PLXNA2: variants seen among roughly 807,000 people sequenced by gnomAD.
The protein encoded by PLXNA2 is plexin A2, also known as plexin-A2.
PLXNA2 carries 91 observed loss-of-function variants against 193.5 expected under a neutral mutation model. The ratio of observed to expected loss-of-function variants is 0.47; its 90% CI spans 0.40 to 0.56. The LOEUF (loss-of-function observed/expected upper bound fraction) is 0.56, where lower values mean the gene tolerates loss of function less well. PLXNA2 is among the 20% of genes least tolerant of loss of function. The probability of loss-of-function intolerance (pLI) is 0.00; values close to 1 mark genes in which losing one functional copy is unlikely to be tolerated. For missense variants in PLXNA2, 1,995 were observed against 2,503.2 expected (o/e 0.80, Z 4.33); for synonymous variants, 997 against 1,027.3 (o/e 0.97, Z 0.56).
chr1:208,069,994 G>A (rs757271190), intron 12 of PLXNA2, among the ~76,000 whole-genome samples: 1 of 152,222 alleles, frequency 6.6e-6, no homozygotes, highest in Non-Finnish European at 1.5e-5. Flanking sequence ...TCCCAGAGAG[G>A]TTAAGTAACT....
intron 13 of PLXNA2, among the ~76,000 whole-genome samples, chr1:208,060,378 A>C (rs992131447): frequency 1.3e-5 from 2 of 152,190 alleles, no homozygotes; most frequent in Non-Finnish European, 2.9e-5. Flanking sequence ...TGACAGGGGA[A>C]GGGCTGGGGG....
At chr1:208,032,872 G>A (rs1664546320) in intron 28 of PLXNA2, among the ~76,000 whole-genome samples, 1 of 152,146 alleles carries the variant, frequency 6.6e-6, no homozygotes, top group African/African-American at 2.4e-5. Context: ...AAAGCTTAAG[G>A]GGTCCAGAGG....
chr1:208,219,928 T>C (rs1191413363), intron 1 of PLXNA2, among the ~76,000 whole-genome samples: 1 of 152,244 alleles, frequency 6.6e-6, no homozygotes, highest in Non-Finnish European at 1.5e-5. Flanking sequence ...AGGTTATTTT[T>C]AGCTATGTCC....
Position 208,217,680 on chromosome 1 carries a change from C to A in PLXNA2, c.243G>T (p.Val81=). 1 of 1,614,202 alleles carries A rather than the reference C, an allele frequency of 6.2e-7. No homozygotes were observed. Among genetic ancestry groups the A allele is most frequent in the Non-Finnish European group, 8.5e-7 (1 of 1,180,042 alleles). The change falls in exon 2 of 32, where the codon GTG becomes GTT. Residue 81 remains valine (V), a synonymous_variant. Transcript: ENST00000367033. The surrounding 1 kb of genome is among the most constrained non-coding windows in gnomAD (Gnocchi z 4.7). ...CCTCTTCTGGCCCTGTCTTATGAGC[C>A]ACCTGGATGGTCAGGTTGCCTGTCA... is the stretch of plus-strand genomic sequence containing the variant. The part of the protein sequence containing the change: ...YKLTGNLTIQ[V]AHKTGPEEDN...
intron 12 of PLXNA2, among the ~76,000 whole-genome samples, chr1:208,063,978 AC>A (rs1665700244): frequency 6.6e-6 from 1 of 151,872 alleles, no homozygotes; most frequent in African/African-American, 2.4e-5. Flanking sequence ...ACATTTCACC[AC>A]GTCTAAAAAC....
chr1:208,123,341 G>A (rs1436522093), intron 4 of PLXNA2, among the ~76,000 whole-genome samples: 2 of 152,170 alleles, frequency 1.3e-5, no homozygotes, highest in Non-Finnish European at 2.9e-5. Flanking sequence ...CTGTCCCACT[G>A]TTCACCCCAA....
rs573242284 is a variant in PLXNA2 at position 208,135,614 on chromosome 1, C to T, written c.1506+6715G>A. Among the ~76,000 whole-genome samples the T allele has an allele frequency of 2.6e-5, 4 of 152,284 alleles. No individual in the cohort carries two copies. The South Asian group carries it at 6.2e-4, about 24-fold the overall frequency. ...AAGCTTTAAAGTTGTCAGTACTTCC[C>T]CACATGTTTGAAGAAATCAGTCCAG... is the stretch of plus-strand genomic sequence containing the variant. On this transcript the variant is annotated intron_variant, in intron 4 of 31. Transcript: ENST00000367033.
intron 3 of PLXNA2, among the ~76,000 whole-genome samples, chr1:208,143,237 G>C (rs1393466036): frequency 6.6e-6 from 1 of 152,190 alleles, no homozygotes; most frequent in Non-Finnish European, 1.5e-5. Flanking sequence ...AGCTCCCCGG[G>C]TGAATTTAAT....
Position 208,211,671 on chromosome 1 carries a change from C to T in PLXNA2, c.1189-1209G>A, listed in dbSNP as rs1179511112. Among the ~76,000 whole-genome samples, 19 of 140,110 alleles carry T rather than the reference C, an allele frequency of 1.4e-4. No homozygotes were observed. In the South Asian group the frequency reaches 3.7e-3, roughly 27 times the overall value. The allele number at this position is 140,110 out of a possible 152,430, so 91.9% of individuals were successfully genotyped here. A position where few individuals can be genotyped will look rare whatever the true frequency, so the allele number is the denominator to read the frequency against. On this transcript the variant is annotated intron_variant, in intron 2 of 31. Transcript: ENST00000367033. ...TTGCGCCACTGCACTCCAGCCTGGG[C>T]GGCAGAACGAGACTCCGTCTCAAAA...
intron 3 of PLXNA2, among the ~76,000 whole-genome samples, chr1:208,191,295 C>T (rs547065155): frequency 2.6e-5 from 4 of 152,306 alleles, no homozygotes; most frequent in Non-Finnish European, 5.9e-5. Flanking sequence ...AGAGAGATGG[C>T]TCCTGTCCTA....
chr1:208,123,843 T>C (rs1667882240), intron 4 of PLXNA2, among the ~76,000 whole-genome samples: 1 of 152,214 alleles, frequency 6.6e-6, no homozygotes, highest in South Asian at 2.1e-4. Context: ...CGGCTAGTCA[T>C]TGGACTTAGA....
intron 4 of PLXNA2, among the ~76,000 whole-genome samples, chr1:208,123,788 A>T (rs1420935163): frequency 6.6e-6 from 1 of 152,214 alleles, no homozygotes. Flanking sequence ...GGCCAAACGC[A>T]GTTTCTGAGG....
In PLXNA2 at chr1:208,022,893, C is replaced by G. The variant is rs1664226601; in HGVS notation, c.*4350G>C. ...CCAGTTTGCTTATTGGGTGGAGGCCCTGTATGCCAAGCAGTGGCTGTGATC... is the reference window on the plus strand; with the variant it reads ...CCAGTTTGCTTATTGGGTGGAGGCCGTGTATGCCAAGCAGTGGCTGTGATC... On this transcript the variant is annotated 3_prime_UTR_variant, in exon 32 of 32. Coordinates refer to ENST00000367033, the MANE Select transcript of PLXNA2 (RefSeq NM_025179.4). 1 of 152,090 alleles carries G rather than the reference C, an allele frequency of 6.6e-6. No individual in the cohort carries two copies. The allele number at this position is 152,090 out of a possible 1,614,324, so 9.4% of individuals were successfully genotyped here. A position where few individuals can be genotyped will look rare whatever the true frequency, so the allele number is the denominator to read the frequency against.
At chr1:208,065,968 C>T (rs1665782510) in intron 12 of PLXNA2, among the ~76,000 whole-genome samples, 1 of 152,174 alleles carries the variant, frequency 6.6e-6, no homozygotes, top group African/African-American at 2.4e-5. Flanking sequence ...TCAATTAATG[C>T]TTTCAGGGAA....
At chr1:208,187,938 T>A (rs974808118) in intron 3 of PLXNA2, among the ~76,000 whole-genome samples, 5 of 152,168 alleles carry the variant, frequency 3.3e-5, no homozygotes, top group African/African-American at 4.8e-5. Context: ...ACTGAAATGA[T>A]CAATGTCTCC....
chr1:208,132,746 T>C (rs1220748541), intron 4 of PLXNA2, among the ~76,000 whole-genome samples: 1 of 152,088 alleles, frequency 6.6e-6, no homozygotes, highest in African/African-American at 2.4e-5. Context: ...ACTGTAAAAA[T>C]ATAATTACTA....
chr1:208,168,830 C>G (rs1486900593), intron 3 of PLXNA2, among the ~76,000 whole-genome samples: 2 of 143,494 alleles, frequency 1.4e-5, no homozygotes, highest in African/African-American at 5.1e-5. Context: ...GTCATGCTAT[C>G]CCAGTGAGAC....
chr1:208,115,602 C>T lies in PLXNA2; in HGVS notation c.1507-12355G>A, dbSNP rs1445004160. Among the ~76,000 whole-genome samples, 3 of 152,258 alleles carry T rather than the reference C, an allele frequency of 2.0e-5. No individual in the cohort carries two copies. In the East Asian group the frequency reaches 5.8e-4, roughly 29 times the overall value. ...GGGTTAGAAAATGCTAAGCCCTGTA[C>T]CTTGCTGATAGCTGATAGTTATTAT... On this transcript the variant is annotated intron_variant, in intron 4 of 31. Coordinates refer to ENST00000367033, the MANE Select transcript of PLXNA2 (RefSeq NM_025179.4).
At chr1:208,149,357 G>A (rs914270861) in intron 3 of PLXNA2, among the ~76,000 whole-genome samples, 3 of 151,380 alleles carry the variant, frequency 2.0e-5, no homozygotes, top group Non-Finnish European at 4.4e-5. Flanking sequence ...TATGTACATG[G>A]ATGTGGTGTG....
Sources: allele counts gnomAD v4.1 joint callset (sites outside exome capture counted in the v4.1 genomes callset), GRCh38; gene constraint gnomAD v4.1.1; non-coding constraint Gnocchi (gnomAD v3.1); transcripts MANE v1.5; gene names NCBI Gene and HGNC (gene_info 2026-07-23, HGNC 2026-07-21).